ATP6V1D: variants seen among roughly 807,000 people sequenced by gnomAD.
ATP6V1D encodes V-type proton ATPase subunit D.
A neutral mutation model predicts 39.4 loss-of-function variants in ATP6V1D; 20 were observed. The ratio of observed to expected loss-of-function variants is 0.51; its 90% confidence interval spans 0.36 to 0.74. The LOEUF (loss-of-function observed/expected upper bound fraction) is 0.74, where lower values mean the gene tolerates loss of function less well. Among genes scored for constraint, ATP6V1D ranks in the 30% least tolerant of loss-of-function variants. ATP6V1D has a pLI of 0.00. For missense variants in ATP6V1D, 228 were observed against 291.6 expected, an observed-to-expected ratio of 0.78 and a Z score of 1.59; for synonymous variants, 100 against 100.5, an observed-to-expected ratio of 0.99 and a Z score of 0.03.
rs1199370415 is a variant in ATP6V1D at position 67,352,849 on chromosome 14, AC to A, written c.159+73del. On this transcript the variant is annotated intron_variant, in intron 2 of 8. Coordinates refer to ENST00000216442, the MANE Select transcript of ATP6V1D (RefSeq NM_015994.4). ...AAAAAAATTAATTAAAATAACAACA[AC>A]AAAAAAAAAAATGCCAAGGGCCATG... 1.3e-4 allele frequency: 107 copies of A among 843,108 alleles called. 1 individual carries two copies. The African/African-American group carries it at 1.8e-3, about 14-fold the overall frequency. The allele number at this position is 843,108 out of a possible 1,614,324, so 52.2% of individuals were successfully genotyped here.
intron 1 of ATP6V1D, among the ~76,000 whole-genome samples, chr14:67,355,615 C>T (rs1173341206): frequency 6.6e-6 from 1 of 152,146 alleles, no homozygotes; most frequent in South Asian, 2.1e-4. Context: ...GAGACTAGAA[C>T]AGCCAAAGGA....
chr14:67,355,875 C>T (rs990209719), intron 1 of ATP6V1D, among the ~76,000 whole-genome samples: 3 of 151,812 alleles, frequency 2.0e-5, no homozygotes, highest in African/African-American at 7.3e-5. Context: ...TAGGGCACAC[C>T]GGTAATCCCA....
At chr14:67,357,625 C>T (rs1323899363) in intron 1 of ATP6V1D, among the ~76,000 whole-genome samples, 2 of 152,166 alleles carry the variant, frequency 1.3e-5, no homozygotes, top group Non-Finnish European at 2.9e-5. Context: ...TAAACCCAGC[C>T]AGACATTCGT....
chr14:67,341,500 C>A (rs945152040), intron 7 of ATP6V1D, among the ~76,000 whole-genome samples: 1 of 151,716 alleles, frequency 6.6e-6, no homozygotes, highest in Admixed American at 6.6e-5. Context: ...CCGCCCCGTC[C>A]GGGAGGGAGG....
chr14:67,346,311 ATTTG>A (rs1250196583), intron 5 of ATP6V1D, among the ~76,000 whole-genome samples: 2 of 152,200 alleles, frequency 1.3e-5, no homozygotes, highest in African/African-American at 4.8e-5. Context: ...AAAGAATATT[ATTTG>A]TTTATTTATT....
intron 2 of ATP6V1D, among the ~76,000 whole-genome samples, chr14:67,351,677 TTTCTTC>T (rs915614145): frequency 1.3e-5 from 2 of 151,578 alleles, no homozygotes; most frequent in African/African-American, 2.4e-5. Flanking sequence ...CTCTGCTAAT[TTTCTTC>T]TTCTTCTTCT....
chr14:67,341,045 C>T (rs2141091609), intron 7 of ATP6V1D, among the ~76,000 whole-genome samples: 1 of 152,356 alleles, frequency 6.6e-6, no homozygotes, highest in East Asian at 1.9e-4. Flanking sequence ...TCCCAGCCGC[C>T]TGCCTTGGCC....
At chr14:67,347,554 T>A in intron 4 of ATP6V1D, 101 bp from the exon 5 acceptor site, 2 of 997,314 alleles carry the variant, frequency 2.0e-6, no homozygotes, top group Non-Finnish European at 3.0e-6. Context: ...GAGGCTGGAA[T>A]GCAATGGCGT....
chr14:67,349,202 A>G, intron 3 of ATP6V1D, 98 bp from the exon 4 acceptor site: 1 of 1,144,806 alleles, frequency 8.7e-7, no homozygotes, highest in South Asian at 1.4e-5. Flanking sequence ...ACCAAGAGTG[A>G]GATGTCACAA....
chr14:67,339,781 A>G (rs1301542648), intron 8 of ATP6V1D, among the ~76,000 whole-genome samples: 2 of 152,118 alleles, frequency 1.3e-5, no homozygotes, highest in Non-Finnish European at 2.9e-5. Flanking sequence ...GAGGCACCCA[A>G]TCTAAATCAT....
rs748522981 is a variant in ATP6V1D, at chr14:67,338,611, A to C, written c.*10T>G. On this transcript the variant is annotated 3_prime_UTR_variant, in exon 9 of 9. Transcript: ENST00000216442. ...TGTTAGGGTTTCTCAAAGAACCAGA[A>C]CAGGAAAGATTATTCAAATAGAAGA... 40 of 1,612,628 alleles carry C rather than the reference A, an allele frequency of 2.5e-5. No individual in the cohort carries two copies. The highest frequency in any genetic ancestry group is 3.3e-5 in the Non-Finnish European group (39 of 1,179,412).
chr14:67,359,572 G>T, intron 1 of ATP6V1D, 86 bp downstream of exon 1: 1 of 1,455,990 alleles, frequency 6.9e-7, no homozygotes. Flanking sequence ...AGGAAACAAG[G>T]ACCCTCACTG....
chr14:67,341,335 A>G (rs1473356673), intron 7 of ATP6V1D, among the ~76,000 whole-genome samples: 4 of 149,548 alleles, frequency 2.7e-5, no homozygotes, highest in Admixed American at 1.3e-4. Context: ...CCCGTCTGAG[A>G]AGTGAGGAGA....
chr14:67,344,695 G>T (rs1052931022), intron 6 of ATP6V1D, among the ~76,000 whole-genome samples: 1 of 146,416 alleles, frequency 6.8e-6, no homozygotes, highest in Non-Finnish European at 1.5e-5. Flanking sequence ...CCTGGGCAAC[G>T]TAGCAAGACC....
rs1187762598 is a variant in ATP6V1D, at chr14:67,341,708, G to A, written c.524-1190C>T. On this transcript the variant is annotated intron_variant, in intron 7 of 8. Coordinates refer to ENST00000216442, the MANE Select transcript of ATP6V1D (RefSeq NM_015994.4). The stretch of plus-strand genomic sequence containing the variant: ...GTACCCAACAGCTCACTGAGAACAG[G>A]CCATGATGACAATGGCGGTTTTGTG... Among the ~76,000 whole-genome samples, 20 of 152,384 alleles carry A rather than the reference G, an allele frequency of 1.3e-4. No homozygotes were observed. In the East Asian group the frequency reaches 3.7e-3, roughly 28 times the overall value.
chr14:67,357,954 A>G (rs540489489), intron 1 of ATP6V1D, among the ~76,000 whole-genome samples: 2 of 152,348 alleles, frequency 1.3e-5, no homozygotes, highest in South Asian at 2.1e-4. Flanking sequence ...CAGAGTTGGA[A>G]GAGATACATA....
At chr14:67,356,451 AAAC>A (rs1247089404) in intron 1 of ATP6V1D, among the ~76,000 whole-genome samples, 21 of 111,814 alleles carry the variant, frequency 1.9e-4, no homozygotes, top group African/African-American at 1.1e-3. Flanking sequence ...AAAAAAACAA[AAAC>A]AAACAAACAC....
At chr14:67,346,613 C>T (rs906368400) in intron 5 of ATP6V1D, among the ~76,000 whole-genome samples, 1 of 152,106 alleles carries the variant, frequency 6.6e-6, no homozygotes, top group African/African-American at 2.4e-5. Flanking sequence ...CTGTGCCTGG[C>T]CAAGAATATT....
At chr14:67,342,735 A>G (rs1318404413) in intron 7 of ATP6V1D, among the ~76,000 whole-genome samples, 3 of 150,938 alleles carry the variant, frequency 2.0e-5, no homozygotes, top group Non-Finnish European at 4.4e-5. Flanking sequence ...CATATTATAC[A>G]TAGTTAATAT....
Sources: gnomAD v4.1 joint callset for allele counts (sites outside exome capture counted in the v4.1 genomes callset) on GRCh38, gnomAD v4.1.1 for gene constraint, MANE v1.5 for transcripts, NCBI Gene and HGNC (gene_info 2026-07-23, HGNC 2026-07-21) for gene names.